The following DDA1 variants were observed in gnomAD, a reference collection of about 807,000 sequenced individuals.
DDA1 encodes DET1 and DDB1 associated 1, also known as DET1- and DDB1-associated protein 1.
A neutral mutation model predicts 18.6 loss-of-function variants in DDA1; 3 were observed. That is an observed-to-expected ratio of 0.16 (90% CI 0.07 to 0.42). The LOEUF (loss-of-function observed/expected upper bound fraction) is 0.42, where lower values mean the gene tolerates loss of function less well. Among genes scored for constraint, DDA1 ranks in the 10% least tolerant of loss-of-function variants. DDA1 has a pLI of 0.99. For missense variants in DDA1, 105 were observed against 138.2 expected, an observed-to-expected ratio of 0.76 and a Z score of 1.20; for synonymous variants, 52 against 54.0, an observed-to-expected ratio of 0.96 and a Z score of 0.17.
rs1403114865 is a variant in DDA1, at chr19:17,322,832, C to T, written c.*3176C>T. Reference sequence around the variant, plus strand: ...TCTGATGTTCATGCCACAAGCTCTTCCCACTGTCTCTGGCTCCCCAGACGA... The same window carrying T: ...TCTGATGTTCATGCCACAAGCTCTTTCCACTGTCTCTGGCTCCCCAGACGA... On this transcript the variant is annotated 3_prime_UTR_variant, in exon 5 of 5. Coordinates refer to ENST00000359866, the MANE Select transcript of DDA1 (RefSeq NM_024050.6). 6.6e-6 allele frequency: 1 copy of T among 152,304 alleles called. No individual in the cohort carries two copies. Among genetic ancestry groups the T allele is most frequent in the Non-Finnish European group, 1.5e-5 (1 of 68,080 alleles). The allele number at this position is 152,304 out of a possible 1,614,324, so 9.4% of individuals were successfully genotyped here. A position where few individuals can be genotyped will look rare whatever the true frequency, so the allele number is the denominator to read the frequency against.
chr19:17,310,738 C>G (rs1405869243), intron 1 of DDA1, among the ~76,000 whole-genome samples: 1 of 152,086 alleles, frequency 6.6e-6, no homozygotes, highest in African/African-American at 2.4e-5. Context: ...GGGAGTTGTC[C>G]TTGATACCTT....
chr19:17,320,640 G>A lies in DDA1; in HGVS notation c.*984G>A, dbSNP rs113607938. 1,225 of 152,700 alleles carry A rather than the reference G, an allele frequency of 8.0e-3. 19 individuals are homozygous for A. The highest frequency in any genetic ancestry group is 0.028 in the African/African-American group (1,170 of 41,592). 9.5% of individuals were successfully genotyped at this position (152,700 alleles called of 1,614,324 possible). On this transcript the variant is annotated 3_prime_UTR_variant, in exon 5 of 5. Coordinates refer to ENST00000359866, the MANE Select transcript of DDA1 (RefSeq NM_024050.6). ...TGGCCGGCCTCATCCGGGGGCCTGGGGTCTCTGGCCTCTGCTGCTCCCCTG... is the reference window on the plus strand; with the variant it reads ...TGGCCGGCCTCATCCGGGGGCCTGGAGTCTCTGGCCTCTGCTGCTCCCCTG...
chr19:17,315,428 G>GTA (rs1568354197), intron 3 of DDA1, among the ~76,000 whole-genome samples: 1 of 71,366 alleles, frequency 1.4e-5, no homozygotes, highest in East Asian at 3.1e-4. Flanking sequence ...GTGTGTGTGT[G>GTA]CATATATATA....
rs370909597 is a variant in DDA1, at chr19:17,315,903, G to A, written c.137-31G>A. The A allele has an allele frequency of 2.0e-4, 320 of 1,612,026 alleles. 1 individual carries two copies. The highest frequency in any genetic ancestry group is 2.5e-4 in the Non-Finnish European group (295 of 1,178,286). ...GGGGAGGAGCCTGGGGAGGGGAGGC[G>A]TCTGCGACTTTCTCTATCTTTCCTC... On this transcript the variant is annotated intron_variant, in intron 3 of 4. Coordinates refer to ENST00000359866, the MANE Select transcript of DDA1 (RefSeq NM_024050.6).
rs1213021526 is a variant in DDA1, at chr19:17,319,576, G to A, written c.229G>A (p.Val77Met). The change falls in exon 5 of 5, where the codon GTG becomes ATG. Residue 77 changes from valine to methionine, a missense_variant. By Grantham distance (21) the Val-to-Met change is conservative. Around this residue, in one of 2 missense-constraint regions of DDA1, gnomAD observed 62 missense variants for 55.8 expected, o/e 1.11. Transcript: ENST00000359866. ...TGCCAAGAAGAGAGACCAGGAGCAAGTGGAGCTGGAAGGCGAGAGCTCCGC... is the reference window on the plus strand; with the variant it reads ...TGCCAAGAAGAGAGACCAGGAGCAAATGGAGCTGGAAGGCGAGAGCTCCGC... ...NAAKKRDQEQ[V>M]ELEGESSAPP... 1.3e-6 allele frequency: 2 copies of A among 1,576,106 alleles called. No individual in the cohort carries two copies. Among genetic ancestry groups the A allele is most frequent in the South Asian group, 1.2e-5 (1 of 85,690 alleles).
chr19:17,315,185 ATACACACACGTG>A (rs748974480), intron 3 of DDA1, among the ~76,000 whole-genome samples: 7,863 of 40,064 alleles, frequency 0.2, 2,663 homozygotes, highest in Middle Eastern at 0.31. Flanking sequence ...ACACACGTGT[ATACACACACGTG>A]TATACACACG....
At chr19:17,318,555 C>T (rs749864406) in intron 4 of DDA1, among the ~76,000 whole-genome samples, 5 of 151,796 alleles carry the variant, frequency 3.3e-5, no homozygotes, top group Admixed American at 6.6e-5. Context: ...TTAGTAGAGA[C>T]AGGGTTTCTC....
chr19:17,311,975 C>T (rs2074181149), intron 1 of DDA1, among the ~76,000 whole-genome samples: 1 of 152,150 alleles, frequency 6.6e-6, no homozygotes, highest in Admixed American at 6.6e-5. Context: ...ACGTACCCTG[C>T]CTTCATTCAT....
At chr19:17,318,108 G>A (rs752027159) in intron 4 of DDA1, among the ~76,000 whole-genome samples, 13 of 151,588 alleles carry the variant, frequency 8.6e-5, no homozygotes, top group African/African-American at 1.9e-4. Flanking sequence ...GCGTGATCTC[G>A]GCTCACTGTA....
rs1190223098 is a variant in DDA1 at position 17,315,181 on chromosome 19, G to A, written c.137-753G>A. On this transcript the variant is annotated intron_variant, in intron 3 of 4. Coordinates refer to ENST00000359866, the MANE Select transcript of DDA1 (RefSeq NM_024050.6). ...TATACACACGTGTATATACACACAC[G>A]TGTATACACACACGTGTATACACAC... is the stretch of plus-strand genomic sequence containing the variant. 2.0e-3 allele frequency among the ~76,000 whole-genome samples: 67 copies of A among 32,992 alleles called. 12 individuals are homozygous for A. Among genetic ancestry groups the A allele is most frequent in the Non-Finnish European group, 2.6e-3 (43 of 16,690 alleles). The allele number at this position is 32,992 out of a possible 152,430, so 21.6% of individuals were successfully genotyped here. A position where few individuals can be genotyped will look rare whatever the true frequency, so the allele number is the denominator to read the frequency against.
At chr19:17,310,066 C>T (rs374944423) in intron 1 of DDA1, 39 of 216,950 alleles carry the variant, frequency 1.8e-4, no homozygotes, top group East Asian at 7.3e-4. Context: ...GGGGGCTTGG[C>T]ACCGCGATAT....
At chr19:17,318,716 A>C (rs958151053) in intron 4 of DDA1, among the ~76,000 whole-genome samples, 1 of 147,406 alleles carries the variant, frequency 6.8e-6, no homozygotes, top group Non-Finnish European at 1.5e-5. Flanking sequence ...GGCTGGAGTG[A>C]GTGCAGTGGC....
chr19:17,313,624 G>A (rs926735881), intron 1 of DDA1, among the ~76,000 whole-genome samples: 3 of 151,974 alleles, frequency 2.0e-5, no homozygotes, highest in Non-Finnish European at 2.9e-5. Context: ...TATATTTTTA[G>A]TAGAGATGAG....
At chr19:17,311,499 G>T (rs1331229727) in intron 1 of DDA1, among the ~76,000 whole-genome samples, 2 of 152,154 alleles carry the variant, frequency 1.3e-5, no homozygotes, top group African/African-American at 4.8e-5. Context: ...CCACTTTCTA[G>T]CCTATAAAAT....
In DDA1 at chr19:17,318,719, G is replaced by A. The variant is rs184961065; in HGVS notation, c.199-827G>A. Among the ~76,000 whole-genome samples the A allele has an allele frequency of 5.3e-5, 8 of 150,276 alleles. 1 individual carries two copies. In the East Asian group the frequency reaches 1.6e-3, roughly 29 times the overall value. On this transcript the variant is annotated intron_variant, in intron 4 of 4. Coordinates refer to ENST00000359866, the MANE Select transcript of DDA1 (RefSeq NM_024050.6). ...CTCTGTTGCCCAGGCTGGAGTGAGT[G>A]CAGTGGCGTGATCTCAGCTCACTGC...
chr19:17,318,836 GTTT>G (rs1055474705), intron 4 of DDA1, among the ~76,000 whole-genome samples: 1 of 140,364 alleles, frequency 7.1e-6, no homozygotes. Flanking sequence ...TGGCAAGTTT[GTTT>G]TTTTTTTTTT....
At position 17,322,475 on chromosome 19, in the gene DDA1, C is replaced by T. The variant is rs1168783117; in HGVS notation, c.*2819C>T. The T allele has an allele frequency of 6.5e-6, 1 of 152,784 alleles. No homozygotes were observed. The highest frequency in any genetic ancestry group is 1.5e-5 in the Non-Finnish European group (1 of 68,444). 9.5% of individuals were successfully genotyped at this position (152,784 alleles called of 1,614,324 possible). On this transcript the variant is annotated 3_prime_UTR_variant, in exon 5 of 5. Transcript: ENST00000359866. Reference sequence around the variant, plus strand: ...GCCTTTGCACAGGCTGTTCTCCTGCCTCCAGTGAACTCTGACTTCTCCACA... The same window carrying T: ...GCCTTTGCACAGGCTGTTCTCCTGCTTCCAGTGAACTCTGACTTCTCCACA...
rs376839201 is a variant in DDA1, at chr19:17,315,158, TAC to T, written c.137-771_137-770del. Among the ~76,000 whole-genome samples, 5 of 29,132 alleles carry T rather than the reference TAC, an allele frequency of 1.7e-4. 1 individual carries two copies. Among genetic ancestry groups the T allele is most frequent in the African/African-American group, 1.0e-3 (4 of 3,916 alleles). 19.1% of individuals were successfully genotyped at this position (29,132 alleles called of 152,430 possible). A position where few individuals can be genotyped will look rare whatever the true frequency, so the allele number is the denominator to read the frequency against. ...ACATATATATACACACACGTATATATACACACGTGTATATACACACACGTGTA... is the reference window on the plus strand; with the variant it reads ...ACATATATATACACACACGTATATATACACGTGTATATACACACACGTGTA... On this transcript the variant is annotated intron_variant, in intron 3 of 4. Coordinates refer to ENST00000359866, the MANE Select transcript of DDA1 (RefSeq NM_024050.6).
At position 17,314,269 on chromosome 19, in the gene DDA1, G is replaced by A; in HGVS notation, c.85-69G>A. 6.3e-7 allele frequency: 1 copy of A among 1,599,784 alleles called. No homozygotes were observed. The highest frequency in any genetic ancestry group is 8.6e-7 in the Non-Finnish European group (1 of 1,167,262). ...CAATCTGCACTGAAGGGTGGGTGCT[G>A]AGTGGAGGGATGAGGAGACCCCAGG... On this transcript the variant is annotated intron_variant, in intron 2 of 4. Transcript: ENST00000359866. This position sits in a 1 kb window ranked among gnomAD's most constrained non-coding sequence, Gnocchi z 4.6.
Sources: allele counts gnomAD v4.1 joint callset (sites outside exome capture counted in the v4.1 genomes callset), GRCh38; gene constraint gnomAD v4.1.1; regional missense constraint gnomAD v4.1.1; non-coding constraint Gnocchi (gnomAD v3.1); transcripts MANE v1.5; gene names NCBI Gene and HGNC (gene_info 2026-07-23, HGNC 2026-07-21).